Variants in XPO4 observed in about 807,000 individuals in gnomAD.
XPO4 encodes the protein exportin 4, also known as exportin-4.
XPO4 carries 39 observed loss-of-function variants against 143.0 expected under a neutral mutation model. The ratio of observed to expected loss-of-function variants is 0.27; its 90% CI spans 0.21 to 0.36. The LOEUF (loss-of-function observed/expected upper bound fraction) is 0.36, where lower values mean the gene tolerates loss of function less well. Ranked by LOEUF, XPO4 falls within the 10% of genes least tolerant of loss-of-function variation. The pLI, the probability that XPO4 is intolerant of heterozygous loss-of-function variation, is 1.00. For missense variants in XPO4, 907 were observed against 1,348.0 expected, an observed-to-expected ratio of 0.67 and a Z score of 5.12; for synonymous variants, 439 against 474.0, an observed-to-expected ratio of 0.93 and a Z score of 0.96.
intron 16 of XPO4, among the ~76,000 whole-genome samples, chr13:20,797,575 A>G (rs1472036457): frequency 6.6e-6 from 1 of 152,186 alleles, no homozygotes; most frequent in East Asian, 1.9e-4. Flanking sequence ...TAAGTTGTCC[A>G]TATGATAATA....
At chr13:20,898,378 A>C (rs1294521788) in intron 1 of XPO4, among the ~76,000 whole-genome samples, 1 of 152,190 alleles carries the variant, frequency 6.6e-6, no homozygotes, top group Non-Finnish European at 1.5e-5. Context: ...TAGCCTGGCC[A>C]ACGTGTTGAA....
At chr13:20,898,819 C>T (rs1393601317) in intron 1 of XPO4, among the ~76,000 whole-genome samples, 1 of 152,152 alleles carries the variant, frequency 6.6e-6, no homozygotes, top group Middle Eastern at 3.2e-3. Context: ...AATCAAAACA[C>T]CTCCTACATT....
chr13:20,830,702 C>T (rs550884371), intron 6 of XPO4, among the ~76,000 whole-genome samples: 9 of 152,100 alleles, frequency 5.9e-5, no homozygotes, highest in Middle Eastern at 6.8e-3. Flanking sequence ...AATGTTTATA[C>T]AGAACAAATG....
At chr13:20,821,041 C>T (rs1043405686) in intron 9 of XPO4, among the ~76,000 whole-genome samples, 1 of 152,084 alleles carries the variant, frequency 6.6e-6, no homozygotes, top group Non-Finnish European at 1.5e-5. Context: ...GTTACAAAAG[C>T]AGCTGTGTCC....
intron 4 of XPO4, among the ~76,000 whole-genome samples, chr13:20,846,593 C>T (rs187355718): frequency 2.0e-5 from 3 of 152,250 alleles, no homozygotes; most frequent in Non-Finnish European, 2.9e-5. Context: ...GACTTAGCCC[C>T]CTGAACACGT....
intron 4 of XPO4, chr13:20,848,886 T>C (rs1340962924): frequency 6.1e-6 from 6 of 985,396 alleles, no homozygotes; most frequent in Non-Finnish European, 7.2e-6. Context: ...AAAAGTCTAA[T>C]TGTCTTCTTT....
chr13:20,822,979 G>C (rs2059739384), intron 7 of XPO4, among the ~76,000 whole-genome samples: 1 of 152,096 alleles, frequency 6.6e-6, no homozygotes, highest in East Asian at 1.9e-4. Flanking sequence ...AGAGTGTTTT[G>C]TATGAAGGGA....
intron 4 of XPO4, chr13:20,851,866 G>C (rs1043716368): frequency 1.0e-6 from 1 of 985,224 alleles, no homozygotes; most frequent in African/African-American, 1.7e-5. Flanking sequence ...TAACTGAACA[G>C]CTATATCTGT....
chr13:20,867,725 T>C (rs1355026906), intron 2 of XPO4, among the ~76,000 whole-genome samples: 1 of 137,772 alleles, frequency 7.3e-6, no homozygotes, highest in African/African-American at 2.4e-5. Context: ...TTGGTAGCTA[T>C]AGATAAGCCT....
In XPO4 at chr13:20,784,051, G is replaced by C. The variant is rs1289626297; in HGVS notation, c.3259-132C>G. The C allele has an allele frequency of 7.3e-6, 6 of 820,280 alleles. No homozygotes were observed. The South Asian group carries it at 1.0e-4, about 14-fold the overall frequency. The allele number at this position is 820,280 out of a possible 1,614,324, so 50.8% of individuals were successfully genotyped here. On this transcript the variant is annotated intron_variant, in intron 22 of 22. Coordinates refer to ENST00000255305, the MANE Select transcript of XPO4 (RefSeq NM_022459.5). ...AAGAGTTAACATTTAGAATAATTCAGCATTTAAGTACTACTGTTTGAAAAC... is the reference window on the plus strand; with the variant it reads ...AAGAGTTAACATTTAGAATAATTCACCATTTAAGTACTACTGTTTGAAAAC...
At chr13:20,809,742 T>C (rs761527311) in intron 10 of XPO4, 49 bp downstream of exon 10, 10 of 1,530,296 alleles carry the variant, frequency 6.5e-6, no homozygotes, top group Non-Finnish European at 8.8e-6. Context: ...TGGTAAAATA[T>C]AGCCTATGAT....
chr13:20,796,980 T>G lies in XPO4; in HGVS notation c.2400A>C (p.Glu800Asp). 6.2e-7 allele frequency: 1 copy of G among 1,613,696 alleles called. No individual in the cohort carries two copies. Among genetic ancestry groups the G allele is most frequent in the Non-Finnish European group, 8.5e-7 (1 of 1,179,808 alleles). Residue 800 changes from glutamate to aspartate, a missense_variant, in exon 17 of 23, where the codon GAA (glutamate) becomes GAC (aspartate). Coordinates refer to ENST00000255305, the MANE Select transcript of XPO4 (RefSeq NM_022459.5). The part of the protein sequence containing the change: ...ENFQQMCQQE[E>D]VKQEITATLE... ...GTGTGGCAGTGATTTCCTGCTTGAC[T>G]TCCTCTTGCTGACACATCTGCTGGA... is the stretch of plus-strand genomic sequence containing the variant.
chr13:20,794,228 C>T (rs1278234877), intron 18 of XPO4, among the ~76,000 whole-genome samples: 1 of 152,064 alleles, frequency 6.6e-6, no homozygotes, highest in East Asian at 1.9e-4. Context: ...GAAAATAAGA[C>T]AAATCTGGTA....
At chr13:20,874,765 G>A (rs1385418834) in intron 1 of XPO4, among the ~76,000 whole-genome samples, 9 of 152,142 alleles carry the variant, frequency 5.9e-5, no homozygotes, top group South Asian at 2.1e-4. Flanking sequence ...AGGCCGAGGC[G>A]GGTGATCACC....
chr13:20,866,293 A>G, intron 2 of XPO4: 1 of 984,892 alleles, frequency 1.0e-6, no homozygotes, highest in Non-Finnish European at 1.2e-6. Context: ...AATGAAAACA[A>G]AAGGATAAGA....
At chr13:20,893,211 G>A (rs1325859324) in intron 1 of XPO4, among the ~76,000 whole-genome samples, 1 of 152,166 alleles carries the variant, frequency 6.6e-6, no homozygotes, top group East Asian at 1.9e-4. Context: ...AAAGAAAAAT[G>A]CTTTATATTT....
chr13:20,848,153 C>T, intron 4 of XPO4: 1 of 792,146 alleles, frequency 1.3e-6, no homozygotes, highest in East Asian at 1.3e-4. Context: ...AATTTGACTG[C>T]CACTAACAGG....
intron 2 of XPO4, chr13:20,866,381 A>G: frequency 1.0e-6 from 1 of 984,870 alleles, no homozygotes; most frequent in Non-Finnish European, 1.2e-6. Context: ...AAGAGGCCAG[A>G]AAAGGGAAGC....
intron 22 of XPO4, among the ~76,000 whole-genome samples, chr13:20,784,477 C>A (rs1823196681): frequency 6.6e-6 from 1 of 152,148 alleles, no homozygotes; most frequent in African/African-American, 2.4e-5. Flanking sequence ...AAGCTCCAAA[C>A]CAGCACTGTG....
Sources: allele counts gnomAD v4.1 joint callset (sites outside exome capture counted in the v4.1 genomes callset), GRCh38; gene constraint gnomAD v4.1.1; transcripts MANE v1.5; gene names NCBI Gene and HGNC (gene_info 2026-07-23, HGNC 2026-07-21).